NAP1L4: variants seen among roughly 807,000 people sequenced by gnomAD.
The protein encoded by NAP1L4 is nucleosome assembly protein 1 like 4, also known as nucleosome assembly protein 1-like 4.
A neutral mutation model predicts 58.2 loss-of-function variants in NAP1L4; 15 were observed. The observed-to-expected ratio is 0.26, with a 90% CI of 0.17 to 0.40. NAP1L4 has a LOEUF of 0.40. Among genes scored for constraint, NAP1L4 ranks in the 10% least tolerant of loss-of-function variants. The pLI is 1.00. For missense variants in NAP1L4, 384 were observed against 451.1 expected (o/e 0.85, Z 1.35); for synonymous variants, 171 against 155.6 (o/e 1.10, Z -0.74).
At chr11:2,963,123 G>T (rs1300579089) in intron 8 of NAP1L4, among the ~76,000 whole-genome samples, 1 of 93,924 alleles carries the variant, frequency 1.1e-5, no homozygotes. Context: ...AAAGAAAAAA[G>T]AAAAAAAAGG....
In NAP1L4 at chr11:2,945,586, G is replaced by C; in HGVS notation, c.*93C>G. ...GGCCTGGAGTCCCGACAGCCGGTCTGCCAGGCACCCGCCTCCGCTTCCTAC... is the reference window on the plus strand; with the variant it reads ...GGCCTGGAGTCCCGACAGCCGGTCTCCCAGGCACCCGCCTCCGCTTCCTAC... On this transcript the variant is annotated 3_prime_UTR_variant, in exon 16 of 16. Transcript: ENST00000380542. The C allele has an allele frequency of 6.5e-7, 1 of 1,535,540 alleles. No individual in the cohort carries two copies. Among genetic ancestry groups the C allele is most frequent in the Non-Finnish European group, 8.7e-7 (1 of 1,146,448 alleles).
chr11:2,977,815 G>T (rs950852434), intron 3 of NAP1L4, among the ~76,000 whole-genome samples: 4 of 149,662 alleles, frequency 2.7e-5, no homozygotes, highest in African/African-American at 9.9e-5. Context: ...TGAACAAAAT[G>T]ACATTCTTAG....
At chr11:2,984,617 C>G (rs1848519852) in intron 1 of NAP1L4, among the ~76,000 whole-genome samples, 1 of 152,104 alleles carries the variant, frequency 6.6e-6, no homozygotes, top group Non-Finnish European at 1.5e-5. Flanking sequence ...TCAATGGTCC[C>G]CCGTCACCTT....
At chr11:2,962,819 A>G (rs1847009393) in intron 8 of NAP1L4, among the ~76,000 whole-genome samples, 2 of 152,078 alleles carry the variant, frequency 1.3e-5, no homozygotes, top group Non-Finnish European at 1.5e-5. Context: ...AGAAAAAAAG[A>G]GGCCGGGTGT....
chr11:2,965,637 T>C (rs1291416160), intron 7 of NAP1L4, among the ~76,000 whole-genome samples: 2 of 151,972 alleles, frequency 1.3e-5, no homozygotes, highest in Non-Finnish European at 1.5e-5. Flanking sequence ...AAGCTCCGCC[T>C]CCCGGATTCA....
Position 2,949,378 on chromosome 11 carries a change from A to G in NAP1L4, c.1123-114T>C. The G allele has an allele frequency of 1.2e-6, 1 of 853,554 alleles. No homozygotes were observed. The highest frequency in any genetic ancestry group is 2.0e-6 in the Non-Finnish European group (1 of 502,344). The allele number at this position is 853,554 out of a possible 1,614,324, so 52.9% of individuals were successfully genotyped here. A position where few individuals can be genotyped will look rare whatever the true frequency, so the allele number is the denominator to read the frequency against. On this transcript the variant is annotated intron_variant, in intron 14 of 15. Transcript: ENST00000380542. This position sits in a 1 kb window ranked among gnomAD's most constrained non-coding sequence, Gnocchi z 4.0. ...TCATGATACAAAAGGGCTGCAAGAT[A>G]CTGAACTCGGGGTGAACAACTTCAA...
At chr11:2,979,799 T>A (rs866986461) in intron 1 of NAP1L4, among the ~76,000 whole-genome samples, 66 of 152,016 alleles carry the variant, frequency 4.3e-4, no homozygotes, top group African/African-American at 1.4e-3. Flanking sequence ...AAAATAAAAT[T>A]ATCTTATTGG....
intron 7 of NAP1L4, among the ~76,000 whole-genome samples, chr11:2,969,024 G>A (rs1452804430): frequency 4.5e-4 from 2 of 4,396 alleles, no homozygotes; most frequent in East Asian, 0.02. Context: ...ACAGGGTCTC[G>A]TCACCCACCA....
chr11:2,947,821 C>T (rs1846018384), intron 15 of NAP1L4, among the ~76,000 whole-genome samples: 1 of 152,192 alleles, frequency 6.6e-6, no homozygotes, highest in Non-Finnish European at 1.5e-5. Flanking sequence ...AGATAACACT[C>T]GACCTGAGAA....
At chr11:2,978,463 G>A in intron 2 of NAP1L4, 121 bp from the exon 3 acceptor site, 1 of 884,468 alleles carries the variant, frequency 1.1e-6, no homozygotes, top group East Asian at 2.9e-5. Flanking sequence ...TCAGATTTGG[G>A]CAGAAGAAAA....
Position 2,958,395 on chromosome 11 carries a change from T to C in NAP1L4, c.892+4A>G. On this transcript the variant is annotated splice_donor_region_variant and intron_variant, in intron 10 of 15. Coordinates refer to ENST00000380542, the MANE Select transcript of NAP1L4 (RefSeq NM_005969.4). ...TAATGAATATTAACAACCAACAGAC[T>C]TGCCTTTCAATGGATTGAAGAAGTT... The C allele has an allele frequency of 6.2e-7, 1 of 1,613,784 alleles. No individual in the cohort carries two copies. Among genetic ancestry groups the C allele is most frequent in the Non-Finnish European group, 8.5e-7 (1 of 1,179,834 alleles).
Position 2,945,538 on chromosome 11 carries a change from C to A in NAP1L4, c.*141G>T, listed in dbSNP as rs1796182767. Reference sequence around the variant, plus strand: ...CTCTGTCCACGGGATTGTGCTGCGGCAAGGACCGAGGCCCCGCCCACAGGC... The same window carrying A: ...CTCTGTCCACGGGATTGTGCTGCGGAAAGGACCGAGGCCCCGCCCACAGGC... On this transcript the variant is annotated 3_prime_UTR_variant, in exon 16 of 16. Transcript: ENST00000380542. The A allele has an allele frequency of 2.9e-6, 4 of 1,368,282 alleles. No homozygotes were observed. In the African/African-American group the frequency reaches 5.8e-5, roughly 20 times the overall value. The allele number at this position is 1,368,282 out of a possible 1,614,324, so 84.8% of individuals were successfully genotyped here.
At chr11:2,992,054 A>AG (rs1849009664) in intron 1 of NAP1L4, 200 bp downstream of exon 1, 1 of 151,986 alleles carries the variant, frequency 6.6e-6, no homozygotes, top group African/African-American at 2.4e-5. Flanking sequence ...CCCGGGCTCC[A>AG]GGCCCCAAGC....
chr11:2,953,033 T>C (rs1564973574), intron 12 of NAP1L4, among the ~76,000 whole-genome samples: 1 of 152,226 alleles, frequency 6.6e-6, no homozygotes. Context: ...ACCAGAGTCT[T>C]TACCATGAGC....
Position 2,949,120 on chromosome 11 carries a change from A to G in NAP1L4, c.*32+107T>C. ...CCTATGTCAAACCTGTGACACAGTG[A>G]GTGTACCTGGACAGCAACTCCCTCT... is the stretch of plus-strand genomic sequence containing the variant. On this transcript the variant is annotated intron_variant, in intron 15 of 15. Coordinates refer to ENST00000380542, the MANE Select transcript of NAP1L4 (RefSeq NM_005969.4). The surrounding 1 kb of genome is among the most constrained non-coding windows in gnomAD (Gnocchi z 4.0). The G allele has an allele frequency of 1.2e-6, 1 of 821,704 alleles. No homozygotes were observed. The highest frequency in any genetic ancestry group is 2.0e-6 in the Non-Finnish European group (1 of 509,388). 50.9% of individuals were successfully genotyped at this position (821,704 alleles called of 1,614,324 possible). A position where few individuals can be genotyped will look rare whatever the true frequency, so the allele number is the denominator to read the frequency against.
rs1042084662 is a variant in NAP1L4 at position 2,949,254 on chromosome 11, A to G, written c.*5T>C. The G allele has an allele frequency of 2.5e-6, 4 of 1,600,520 alleles. No homozygotes were observed. Among genetic ancestry groups the G allele is most frequent in the Non-Finnish European group, 3.4e-6 (4 of 1,167,628 alleles). On this transcript the variant is annotated 3_prime_UTR_variant, in exon 15 of 16. Coordinates refer to ENST00000380542, the MANE Select transcript of NAP1L4 (RefSeq NM_005969.4). The surrounding 1 kb of genome is among the most constrained non-coding windows in gnomAD (Gnocchi z 4.0). ...AGAAACGTATGAATGATTAACAGAC[A>G]AAAATTACACCTAAATGGGGAAAAA...
rs1156607826 is a variant in NAP1L4 at position 2,976,141 on chromosome 11, C to A, written c.74-18G>T. The A allele has an allele frequency of 1.3e-6, 2 of 1,592,190 alleles. No individual in the cohort carries two copies. Among genetic ancestry groups the A allele is most frequent in the South Asian group, 1.1e-5 (1 of 89,052 alleles). On this transcript the variant is annotated intron_variant, in intron 3 of 15. Coordinates refer to ENST00000380542, the MANE Select transcript of NAP1L4 (RefSeq NM_005969.4). Reference sequence around the variant, plus strand: ...GAGCTTTTCTATGAAGAGTTAAGACCAAACATATTTAAAATATGCCCACCA... The same window carrying A: ...GAGCTTTTCTATGAAGAGTTAAGACAAAACATATTTAAAATATGCCCACCA...
At chr11:2,990,163 T>C (rs1331100726) in intron 1 of NAP1L4, 1 of 151,822 alleles carries the variant, frequency 6.6e-6, no homozygotes, top group Non-Finnish European at 1.5e-5. Context: ...CACAAATAAC[T>C]GCAGACATTC....
intron 1 of NAP1L4, among the ~76,000 whole-genome samples, chr11:2,991,526 C>G (rs1848965540): frequency 6.6e-6 from 1 of 152,054 alleles, no homozygotes; most frequent in South Asian, 2.1e-4. Context: ...GCTGGGAAAC[C>G]AAGTCCCGTG....
Sources: allele counts gnomAD v4.1 joint callset (sites outside exome capture counted in the v4.1 genomes callset), GRCh38; gene constraint gnomAD v4.1.1; non-coding constraint Gnocchi (gnomAD v3.1); transcripts MANE v1.5; gene names NCBI Gene and HGNC (gene_info 2026-07-23, HGNC 2026-07-21).